Variants in CEP162 observed in about 807,000 individuals in gnomAD.
CEP162 encodes centrosomal protein of 162 kDa.
CEP162 carries 141 observed loss-of-function variants against 169.2 expected under a neutral mutation model. The ratio of observed to expected loss-of-function variants is 0.83; its 90% CI spans 0.73 to 0.96. CEP162 has a LOEUF of 0.96. Ranked by LOEUF, CEP162 falls within the 40% of genes least tolerant of loss-of-function variation. The pLI is 0.00. For synonymous variants in CEP162, 540 were observed against 526.4 expected, an observed-to-expected ratio of 1.03 and a Z score of -0.35; for missense variants, 1,600 against 1,587.2, an observed-to-expected ratio of 1.01 and a Z score of -0.14.
At chr6:84,217,995 GAA>G (rs2099552218) in intron 3 of CEP162, 1 of 152,218 alleles carries the variant, frequency 6.6e-6, no homozygotes, top group Non-Finnish European at 1.5e-5. Context: ...ACGTGGCAAA[GAA>G]AACAGTAACC....
intron 25 of CEP162, among the ~76,000 whole-genome samples, chr6:84,136,396 CAG>C (rs970562927): frequency 2.1e-4 from 32 of 152,136 alleles, no homozygotes; most frequent in African/African-American, 7.2e-4. Context: ...GGTGATGAGA[CAG>C]AGAGGGAATG....
rs753405585 is a variant in CEP162, at chr6:84,155,315, G to A, written c.2977C>T (p.Gln993Ter). The change falls in exon 22 of 27, where the codon CAG (glutamine) becomes TAG (stop). Residue 993 changes from glutamine to a stop codon, truncating the protein, a stop_gained. Coordinates refer to ENST00000403245, the MANE Select transcript of CEP162 (RefSeq NM_014895.4). LOFTEE classifies it high-confidence loss of function. ...AKKSLRTMEQ[Q>*]FQKMKIQYEQ... ...CCACTTACCTTCATTTTCTGAAACT[G>A]TTGTTCCATGGTACGAAGGCTTTTC... 4 of 1,613,184 alleles carry A rather than the reference G, an allele frequency of 2.5e-6. No individual in the cohort carries two copies. Among genetic ancestry groups the A allele is most frequent in the Non-Finnish European group, 2.5e-6 (3 of 1,179,390 alleles).
chr6:84,127,344 T>C (rs934946627), intron 25 of CEP162, among the ~76,000 whole-genome samples: 2 of 152,126 alleles, frequency 1.3e-5, no homozygotes, highest in Non-Finnish European at 2.9e-5. Context: ...AAAATCCCAG[T>C]ATCTTACCTA....
At chr6:84,214,688 T>A (rs993496605) in intron 5 of CEP162, among the ~76,000 whole-genome samples, 1 of 152,174 alleles carries the variant, frequency 6.6e-6, no homozygotes, top group Non-Finnish European at 1.5e-5. Context: ...TAAATAAAAT[T>A]ATGATCTTCT....
intron 25 of CEP162, among the ~76,000 whole-genome samples, chr6:84,130,262 T>A (rs1164678336): frequency 6.6e-6 from 1 of 152,226 alleles, no homozygotes; most frequent in Non-Finnish European, 1.5e-5. Flanking sequence ...GGATTGCCAG[T>A]ATTTTATTGA....
rs188364748 is a variant in CEP162, at chr6:84,200,021, C to T, written c.835+768G>A. On this transcript the variant is annotated intron_variant, in intron 9 of 26. Transcript: ENST00000403245. Reference sequence around the variant, plus strand: ...ATCCCAGCACTTTGGGAGGCTGAGGCGGGCGGATCACAAGATCAGGAGATT... The same window carrying T: ...ATCCCAGCACTTTGGGAGGCTGAGGTGGGCGGATCACAAGATCAGGAGATT... Among the ~76,000 whole-genome samples the T allele has an allele frequency of 4.6e-3, 706 of 152,192 alleles. 9 individuals carry two copies. Among genetic ancestry groups the T allele is most frequent in the African/African-American group, 0.016 (673 of 41,538 alleles).
At chr6:84,215,704 A>AT (rs2099551279) in intron 4 of CEP162, 72 bp downstream of exon 4, 1 of 1,501,220 alleles carries the variant, frequency 6.7e-7, no homozygotes, top group Middle Eastern at 2.2e-4. Flanking sequence ...AGGCTTCAAG[A>AT]TAATTTTTGT....
chr6:84,129,452 T>C (rs9449798), intron 25 of CEP162, among the ~76,000 whole-genome samples: 13,201 of 152,286 alleles, frequency 0.087, 1,472 homozygotes, highest in African/African-American at 0.26. Flanking sequence ...ATGAGCTTTT[T>C]TTCATATGTT....
chr6:84,220,043 G>A (rs537416833), intron 3 of CEP162, among the ~76,000 whole-genome samples: 33 of 152,250 alleles, frequency 2.2e-4, no homozygotes, highest in Non-Finnish European at 4.7e-4. Flanking sequence ...GAGGCAGGGA[G>A]GCCTATGGTG....
chr6:84,153,692 C>A (rs1242248984), intron 22 of CEP162, among the ~76,000 whole-genome samples: 1 of 152,138 alleles, frequency 6.6e-6, no homozygotes, highest in African/African-American at 2.4e-5. Flanking sequence ...TAAATAATTT[C>A]TCCTACGGAG....
In CEP162 at chr6:84,161,802, T is replaced by G. The variant is rs1377200014; in HGVS notation, c.2620A>C (p.Lys874Gln). 1 of 1,602,538 alleles carries G rather than the reference T, an allele frequency of 6.2e-7. No individual in the cohort carries two copies. The highest frequency in any genetic ancestry group is 8.5e-7 in the Non-Finnish European group (1 of 1,173,668). ...WYAENQELLD[K>Q]DALRLREANE... ...GCTTCTCTAAGCCGAAGTGCATCTT[T>G]ATCCAGAAGTTCCTGATTTTCAGCA... Residue 874 changes from lysine to glutamine, a missense_variant, in exon 20 of 27, where the codon AAA becomes CAA. Physicochemically the swap from Lys to Gln is moderately conservative, Grantham distance 53. Coordinates refer to ENST00000403245, the MANE Select transcript of CEP162 (RefSeq NM_014895.4).
chr6:84,189,700 C>A (rs1480012305), intron 11 of CEP162, among the ~76,000 whole-genome samples: 1 of 152,228 alleles, frequency 6.6e-6, no homozygotes, highest in Non-Finnish European at 1.5e-5. Flanking sequence ...ACGAGCACCA[C>A]CCCCTGCTCC....
intron 2 of CEP162, among the ~76,000 whole-genome samples, chr6:84,221,971 C>A (rs887709973): frequency 6.6e-6 from 1 of 151,906 alleles, no homozygotes; most frequent in African/African-American, 2.4e-5. Flanking sequence ...GATTATACAC[C>A]TGCTCAGCAC....
At chr6:84,194,310 G>A (rs1390888031) in intron 10 of CEP162, among the ~76,000 whole-genome samples, 11 of 149,666 alleles carry the variant, frequency 7.3e-5, no homozygotes, top group African/African-American at 2.7e-4. Flanking sequence ...AGCCGAGATC[G>A]TGCCATTGCA....
At chr6:84,211,526 C>CAAAAAAAAAAAAAAAAAAAA in intron 6 of CEP162, among the ~76,000 whole-genome samples, 1 of 35,578 alleles carries the variant, frequency 2.8e-5, no homozygotes, top group Non-Finnish European at 7.0e-5. Flanking sequence ...GATTCTATCT[C>CAAAAAAAAAAAAAAAAAAAA]AAAAAAAAAA....
In CEP162 at chr6:84,194,935, G is replaced by C. The variant is rs372936058; in HGVS notation, c.976C>G (p.His326Asp). Residue 326 changes from histidine to aspartate, a missense_variant, in exon 10 of 27, where the codon CAT becomes GAT. Transcript: ENST00000403245. Reference sequence around the variant, plus strand: ...GAATTCTCTTCATTTTCTTGAGGATGACCTTTCACTGAGCTCTTGATATCT... The same window carrying C: ...GAATTCTCTTCATTTTCTTGAGGATCACCTTTCACTGAGCTCTTGATATCT... ...VEDIKSSVKG[H>D]PQENEENSKN... 49 of 1,612,660 alleles carry C rather than the reference G, an allele frequency of 3.0e-5. No individual in the cohort carries two copies. In the South Asian group the frequency reaches 5.4e-4, roughly 18 times the overall value.
intron 13 of CEP162, among the ~76,000 whole-genome samples, chr6:84,181,137 T>C: frequency 6.6e-6 from 1 of 152,212 alleles, no homozygotes; most frequent in Admixed American, 6.5e-5. Flanking sequence ...AACAGCATGG[T>C]ACTGGTAAAA....
chr6:84,152,664 T>C lies in CEP162; in HGVS notation c.3510A>G (p.Ser1170=), dbSNP rs955362311. 3.7e-6 allele frequency: 6 copies of C among 1,610,818 alleles called. No individual in the cohort carries two copies. Among genetic ancestry groups the C allele is most frequent in the Non-Finnish European group, 4.2e-6 (5 of 1,178,390 alleles). Residue 1170 remains serine (S), a synonymous_variant, in exon 23 of 27, where the codon TCA becomes TCG. Transcript: ENST00000403245. ...QPHTFTDSHV[S]EVLQENYRLK... is the part of the protein sequence containing the mutation. ...ATCTGTAGTTTTCTTGTAAAACTTC[T>C]GAAACATGGGAATCAGTGAAAGTAT...
intron 25 of CEP162, among the ~76,000 whole-genome samples, chr6:84,135,588 C>T (rs898980097): frequency 3.9e-5 from 6 of 152,018 alleles, no homozygotes; most frequent in East Asian, 3.9e-4. Context: ...CTGGGCTGGT[C>T]GTGGTGGCTC....
Sources: allele counts gnomAD v4.1 joint callset (sites outside exome capture counted in the v4.1 genomes callset), GRCh38; gene constraint gnomAD v4.1.1; transcripts MANE v1.5; gene names NCBI Gene and HGNC (gene_info 2026-07-23, HGNC 2026-07-21).